CCDC30: variants seen among roughly 807,000 people sequenced by gnomAD.
CCDC30 encodes coiled-coil domain-containing protein 30.
In CCDC30, 70 loss-of-function variants were observed where a neutral mutation model predicts 100.2. The ratio of observed to expected loss-of-function variants is 0.70; its 90% CI spans 0.58 to 0.85. CCDC30 has a LOEUF of 0.85. Ranked by LOEUF, CCDC30 falls within the 40% of genes least tolerant of loss-of-function variation. The pLI is 0.00. For synonymous variants in CCDC30, 233 were observed against 269.5 expected (o/e 0.86, Z 1.33); for missense variants, 652 against 771.2 (o/e 0.85, Z 1.83).
At chr1:42,571,905 T>C (rs371470283) in intron 7 of CCDC30, among the ~76,000 whole-genome samples, 22 of 152,328 alleles carry the variant, frequency 1.4e-4, no homozygotes, top group African/African-American at 4.6e-4. Context: ...AACAGCACAT[T>C]ATTTCAGATA....
chr1:42,553,652 TACACACAC>T lies in CCDC30; in HGVS notation c.457-12611_457-12604del, dbSNP rs60429759. Among the ~76,000 whole-genome samples the T allele has an allele frequency of 8.8e-3, 1,181 of 133,828 alleles. 13 individuals carry two copies. The highest frequency in any genetic ancestry group is 0.03 in the African/African-American group (1,050 of 35,124). The allele number at this position is 133,828 out of a possible 152,430, so 87.8% of individuals were successfully genotyped here. On this transcript the variant is annotated intron_variant, in intron 6 of 16. Coordinates refer to ENST00000668663, the Ensembl canonical transcript of CCDC30. ...GCCTGGGTGACAAGGTGAGATTCCA[TACACACAC>T]ACACACACACACACACACACACACA...
rs566634204 is a variant in CCDC30 at position 42,482,132 on chromosome 1, C to T, written c.16-531C>T. ...ACTTGGGAGTCTGAGGCAGGAGAAT[C>T]GCTTGAACCTGGGAGGCGGAGGTTG... is the stretch of plus-strand genomic sequence containing the variant. On this transcript the variant is annotated intron_variant, in intron 2 of 16. Coordinates refer to ENST00000668663, the Ensembl canonical transcript of CCDC30. Among the ~76,000 whole-genome samples the T allele has an allele frequency of 2.0e-5, 3 of 151,372 alleles. No individual in the cohort carries two copies. The East Asian group carries it at 5.9e-4, about 30-fold the overall frequency.
chr1:42,627,076 G>A (rs1158159419), intron 11 of CCDC30, among the ~76,000 whole-genome samples: 1 of 152,174 alleles, frequency 6.6e-6, no homozygotes, highest in East Asian at 1.9e-4. Flanking sequence ...ACCTCCTAGA[G>A]ATTTGTTGAA....
intron 11 of CCDC30, among the ~76,000 whole-genome samples, chr1:42,613,340 C>T (rs187079584): frequency 1.5e-3 from 232 of 152,242 alleles, no homozygotes; most frequent in African/African-American, 4.3e-3. Context: ...CTGCAAGCTC[C>T]GCCTCCCAGG....
At chr1:42,538,306 G>A (rs1427332250) in intron 6 of CCDC30, among the ~76,000 whole-genome samples, 2 of 151,408 alleles carry the variant, frequency 1.3e-5, no homozygotes, top group Non-Finnish European at 2.9e-5. Flanking sequence ...CTCCAGTGTG[G>A]GTGACAGAGG....
intron 6 of CCDC30, among the ~76,000 whole-genome samples, chr1:42,555,198 T>G (rs1307637280): frequency 6.6e-6 from 1 of 152,216 alleles, no homozygotes; most frequent in Non-Finnish European, 1.5e-5. Context: ...CAAATAATAT[T>G]TCTAAAGCAC....
At chr1:42,628,268 T>A (rs1482744176) in intron 11 of CCDC30, among the ~76,000 whole-genome samples, 1 of 152,322 alleles carries the variant, frequency 6.6e-6, no homozygotes, top group South Asian at 2.1e-4. Context: ...ATGCTGTAGT[T>A]ACCCAATACC....
intron 15 of CCDC30, 79 bp from the exon 20 acceptor site, chr1:42,653,297 A>G: frequency 1.4e-6 from 1 of 711,508 alleles, no homozygotes; most frequent in Non-Finnish European, 2.4e-6. Flanking sequence ...TATCTATTAT[A>G]TATATATTTT....
intron 1 of CCDC30, among the ~76,000 whole-genome samples, chr1:42,468,244 G>A (rs1643655337): frequency 6.6e-6 from 1 of 152,212 alleles, no homozygotes; most frequent in Non-Finnish European, 1.5e-5. Flanking sequence ...TCTATAACTG[G>A]TGGGGCAGCA....
chr1:42,523,351 T>G (rs1644676701), intron 6 of CCDC30, among the ~76,000 whole-genome samples: 1 of 152,200 alleles, frequency 6.6e-6, no homozygotes, highest in Non-Finnish European at 1.5e-5. Context: ...GGACCAGTTT[T>G]GCCAGATATA....
intron 11 of CCDC30, among the ~76,000 whole-genome samples, chr1:42,626,317 A>G (rs1020508409): frequency 6.6e-6 from 1 of 152,070 alleles, no homozygotes; most frequent in African/African-American, 2.4e-5. Flanking sequence ...CAGCCAGTCT[A>G]TGTCTTTTGA....
exon 1 of CCDC30, chr1:42,463,364 C>T (rs776534901): frequency 7.2e-5 from 11 of 152,202 alleles, no homozygotes; most frequent in Admixed American, 2.0e-4. Context: ...GGGACGCTCG[C>T]GGCACCCTCC....
chr1:42,645,020 G>A (rs1390596949), intron 14 of CCDC30, among the ~76,000 whole-genome samples: 4 of 152,096 alleles, frequency 2.6e-5, no homozygotes, highest in Non-Finnish European at 5.9e-5. Flanking sequence ...ATCTCCTCCT[G>A]TGTGATCTCC....
intron 6 of CCDC30, among the ~76,000 whole-genome samples, chr1:42,514,758 A>C (rs1364115996): frequency 6.6e-6 from 1 of 152,138 alleles, no homozygotes; most frequent in Non-Finnish European, 1.5e-5. Context: ...GGTTCAAGTG[A>C]TTCTCCTGCC....
intron 10 of CCDC30, among the ~76,000 whole-genome samples, chr1:42,608,598 G>T (rs1646553028): frequency 6.6e-6 from 1 of 151,934 alleles, no homozygotes; most frequent in Admixed American, 6.6e-5. Context: ...CCAGCTACTC[G>T]GGAGGCTGAG....
chr1:42,474,825 C>G (rs1643864862), intron 1 of CCDC30, among the ~76,000 whole-genome samples: 1 of 152,100 alleles, frequency 6.6e-6, no homozygotes, highest in Non-Finnish European at 1.5e-5. Flanking sequence ...TAATATAGTG[C>G]CTGGAGCATA....
At chr1:42,523,063 C>A (rs928735564) in intron 6 of CCDC30, among the ~76,000 whole-genome samples, 3 of 152,014 alleles carry the variant, frequency 2.0e-5, no homozygotes, top group Non-Finnish European at 2.9e-5. Context: ...CTCCTGACCT[C>A]AGGTAATCTG....
At chr1:42,521,340 G>A (rs146735254) in intron 6 of CCDC30, 43 of 154,692 alleles carry the variant, frequency 2.8e-4, no homozygotes, top group African/African-American at 9.9e-4. Flanking sequence ...AAAGTGTGTT[G>A]TTTAGTTTCT....
chr1:42,475,899 C>T (rs996829285), intron 1 of CCDC30, among the ~76,000 whole-genome samples: 15 of 150,944 alleles, frequency 9.9e-5, no homozygotes, highest in South Asian at 6.3e-4. Flanking sequence ...TTTTTTTTTT[C>T]CCAGCTGAGC....
Sources: allele counts gnomAD v4.1 joint callset (sites outside exome capture counted in the v4.1 genomes callset), GRCh38; gene constraint gnomAD v4.1.1; transcripts MANE v1.5; gene names NCBI Gene and HGNC (gene_info 2026-07-23, HGNC 2026-07-21).